Variants in THSD4 observed in about 807,000 individuals in gnomAD.
The protein encoded by THSD4 is thrombospondin type 1 domain containing 4, also known as thrombospondin type-1 domain-containing protein 4.
A neutral mutation model predicts 119.0 loss-of-function variants in THSD4; 69 were observed. The ratio of observed to expected loss-of-function variants is 0.58; its 90% confidence interval spans 0.48 to 0.71. The LOEUF is 0.71. Ranked by LOEUF, THSD4 falls within the 30% of genes least tolerant of loss-of-function variation. THSD4 has a pLI of 0.00. For synonymous variants in THSD4, 524 were observed against 540.4 expected, an observed-to-expected ratio of 0.97 and a Z score of 0.42; for missense variants, 1,393 against 1,391.1, an observed-to-expected ratio of 1.00 and a Z score of -0.02.
At chr15:71,442,660 G>GTGTGTGTGTGTATGTA in intron 7 of THSD4, among the ~76,000 whole-genome samples, 2 of 25,828 alleles carry the variant, frequency 7.7e-5, no homozygotes. Context: ...GTGTGTGTGT[G>GTGTGTGTGTGTATGTA]TATATATATA....
At chr15:71,612,141 G>A (rs1263019416) in intron 7 of THSD4, among the ~76,000 whole-genome samples, 1 of 152,220 alleles carries the variant, frequency 6.6e-6, no homozygotes, top group Non-Finnish European at 1.5e-5. Flanking sequence ...AACACTAGCT[G>A]TGTGGTCAGG....
intron 6 of THSD4, among the ~76,000 whole-genome samples, chr15:71,295,684 T>C (rs947513349): frequency 6.8e-6 from 1 of 146,914 alleles, no homozygotes; most frequent in Non-Finnish European, 1.5e-5. Context: ...ACATTTTCTT[T>C]AAAAAAAAAA....
chr15:71,351,120 G>A (rs2045738635), intron 6 of THSD4, among the ~76,000 whole-genome samples: 1 of 152,148 alleles, frequency 6.6e-6, no homozygotes, highest in African/African-American at 2.4e-5. Context: ...CTGAGGAGTA[G>A]CAGAAGTCCA....
At chr15:71,708,232 G>A (rs1209548711) in intron 8 of THSD4, among the ~76,000 whole-genome samples, 2 of 152,210 alleles carry the variant, frequency 1.3e-5, no homozygotes, top group Non-Finnish European at 2.9e-5. Context: ...GAGAGTAGGA[G>A]TGCTCTGACC....
At chr15:71,341,513 A>G (rs753515390) in intron 6 of THSD4, 2 of 1,612,204 alleles carry the variant, frequency 1.2e-6, no homozygotes, top group East Asian at 2.2e-5. Flanking sequence ...ACACCTGCCA[A>G]CTCCACCGTT....
rs192310238 is a variant in THSD4, at chr15:71,149,459, G to C, written c.30-5404G>C. ...CGGGGTTTCACTGTGTTCGAGACCA[G>C]GCTGGTCTCGAACTTGTGACCTCAA... On this transcript the variant is annotated intron_variant, in intron 2 of 17. Transcript: ENST00000261862. Among the ~76,000 whole-genome samples the C allele has an allele frequency of 2.9e-3, 437 of 152,074 alleles. 4 individuals carry two copies. Among genetic ancestry groups the C allele is most frequent in the African/African-American group, 0.01 (420 of 41,482 alleles).
intron 14 of THSD4, 101 bp from the exon 15 acceptor site, chr15:71,757,801 G>A (rs1277092554): frequency 1.7e-5 from 25 of 1,469,728 alleles, no homozygotes; most frequent in East Asian, 1.4e-4. Context: ...GGAAACAGAC[G>A]GCAGGAAAAT....
chr15:71,350,488 C>T (rs2045730120), intron 6 of THSD4, among the ~76,000 whole-genome samples: 1 of 152,082 alleles, frequency 6.6e-6, no homozygotes, highest in African/African-American at 2.4e-5. Context: ...AGTGACCTCC[C>T]CTCTGGCTCT....
At chr15:71,239,183 A>G (rs1370140822) in intron 4 of THSD4, among the ~76,000 whole-genome samples, 2 of 152,204 alleles carry the variant, frequency 1.3e-5, no homozygotes, top group African/African-American at 4.8e-5. Context: ...TCTATAACAA[A>G]GGTACTATTA....
At chr15:71,469,220 C>T (rs2047539866) in intron 7 of THSD4, among the ~76,000 whole-genome samples, 2 of 152,196 alleles carry the variant, frequency 1.3e-5, no homozygotes, top group South Asian at 4.1e-4. Flanking sequence ...ATAAACTTTT[C>T]TCCATCTTCT....
At position 71,731,200 on chromosome 15, in the gene THSD4, C is replaced by T. The variant is rs763293735; in HGVS notation, c.1613C>T (p.Pro538Leu). Residue 538 changes from proline (P) to leucine (L), a missense_variant, in exon 10 of 18, where the codon CCA becomes CTA. By Grantham distance (98) the Pro-to-Leu change is moderately conservative. Coordinates refer to ENST00000261862, the MANE Select transcript of THSD4 (RefSeq NM_024817.3). ...MGTNAISPQV[P>L]PHRRPGEPFN... ...ACCAACGCCATCAGCCCCCAGGTGCCACCCCACAGGAGACCAGGTAGAATC... is the reference window on the plus strand; with the variant it reads ...ACCAACGCCATCAGCCCCCAGGTGCTACCCCACAGGAGACCAGGTAGAATC... The T allele has an allele frequency of 6.2e-6, 10 of 1,614,050 alleles. No individual in the cohort carries two copies. Among genetic ancestry groups the T allele is most frequent in the Admixed American group, 3.3e-5 (2 of 60,004 alleles).
chr15:71,522,983 G>A (rs558317278), intron 7 of THSD4, among the ~76,000 whole-genome samples: 1 of 152,264 alleles, frequency 6.6e-6, no homozygotes, highest in African/African-American at 2.4e-5. Context: ...ACACACATGT[G>A]CCCACCACAG....
intron 6 of THSD4, among the ~76,000 whole-genome samples, chr15:71,405,313 A>G (rs1190245977): frequency 6.6e-6 from 1 of 152,240 alleles, no homozygotes; most frequent in Non-Finnish European, 1.5e-5. Flanking sequence ...TCTTGTGAGT[A>G]TAAACCTAAA....
chr15:71,376,805 G>GC (rs1482810722), intron 6 of THSD4, among the ~76,000 whole-genome samples: 1 of 152,206 alleles, frequency 6.6e-6, no homozygotes, highest in Admixed American at 6.5e-5. Flanking sequence ...AAGAACTCAT[G>GC]CCGAGACATA....
intron 4 of THSD4, among the ~76,000 whole-genome samples, chr15:71,219,837 C>T (rs116343714): frequency 9.7e-4 from 147 of 152,290 alleles, no homozygotes; most frequent in African/African-American, 3.4e-3. Flanking sequence ...CACTAGAATT[C>T]AAAAGAGGTC....
intron 7 of THSD4, among the ~76,000 whole-genome samples, chr15:71,636,507 A>AT (rs2050746842): frequency 1.3e-5 from 2 of 152,156 alleles, no homozygotes; most frequent in African/African-American, 4.8e-5. Flanking sequence ...AACAAAAATC[A>AT]GAGATACTCA....
rs760335081 is a variant in THSD4 at position 71,781,667 on chromosome 15, C to A, written c.*4293C>A. ...AGCTACAGGCAGGCACAGTTTAGCTCCTGCAGAGACCCAGCTTTTCACAAG... is the reference window on the plus strand; with the variant it reads ...AGCTACAGGCAGGCACAGTTTAGCTACTGCAGAGACCCAGCTTTTCACAAG... On this transcript the variant is annotated 3_prime_UTR_variant, in exon 18 of 18. Transcript: ENST00000261862. 1.3e-5 allele frequency: 2 copies of A among 152,306 alleles called. No individual in the cohort carries two copies. The highest frequency in any genetic ancestry group is 2.9e-5 in the Non-Finnish European group (2 of 68,176). The allele number at this position is 152,306 out of a possible 1,614,324, so 9.4% of individuals were successfully genotyped here.
intron 6 of THSD4, among the ~76,000 whole-genome samples, chr15:71,304,225 G>A (rs1366935704): frequency 6.6e-6 from 1 of 152,048 alleles, no homozygotes; most frequent in African/African-American, 2.4e-5. Context: ...ACAAGCTCTG[G>A]CCCATCTGGC....
chr15:71,659,628 T>A (rs772265055), intron 7 of THSD4, among the ~76,000 whole-genome samples: 4 of 152,196 alleles, frequency 2.6e-5, no homozygotes, highest in East Asian at 1.9e-4. Flanking sequence ...CCCAGGCTGG[T>A]CTCAAAGTCC....
Sources: gnomAD v4.1 joint callset for allele counts (sites outside exome capture counted in the v4.1 genomes callset) on GRCh38, gnomAD v4.1.1 for gene constraint, MANE v1.5 for transcripts, NCBI Gene and HGNC (gene_info 2026-07-23, HGNC 2026-07-21) for gene names.